Variants in CPEB1 observed in about 807,000 individuals in gnomAD.
CPEB1 encodes cytoplasmic polyadenylation element-binding protein 1.
Under a neutral mutation model 65.8 loss-of-function variants are expected in CPEB1, and 7 were observed. That is an observed-to-expected ratio of 0.11 (90% confidence interval 0.06 to 0.20). The LOEUF is 0.20. CPEB1 is among the 10% of genes least tolerant of loss of function. CPEB1 has a pLI of 1.00. For synonymous variants in CPEB1, 262 were observed against 260.0 expected (o/e 1.01, Z -0.08); for missense variants, 551 against 712.2 (o/e 0.77, Z 2.58).
chr15:82,569,873 G>C (rs1210473890), intron 4 of CPEB1, among the ~76,000 whole-genome samples: 1 of 152,226 alleles, frequency 6.6e-6, no homozygotes, highest in Non-Finnish European at 1.5e-5. Flanking sequence ...TACGGTGGAA[G>C]TGAGGACAGG....
In CPEB1 at chr15:82,574,722, C is replaced by CAAAA. The variant is rs534968367; in HGVS notation, c.272-3194_272-3191dup. 4.1e-4 allele frequency among the ~76,000 whole-genome samples: 22 copies of CAAAA among 53,506 alleles called. 3 individuals carry two copies. The highest frequency in any genetic ancestry group is 1.5e-3 in the East Asian group (2 of 1,332). The allele number at this position is 53,506 out of a possible 152,430, so 35.1% of individuals were successfully genotyped here. On this transcript the variant is annotated intron_variant, in intron 3 of 12. Coordinates refer to ENST00000684509, the MANE Select transcript of CPEB1 (RefSeq NM_001365242.1). ...TGGGCAACAGAGCTAGACTCGGTCT[C>CAAAA]AAAAAAAAAAAAAAAAAAAAAAAAA...
intron 1 of CPEB1, among the ~76,000 whole-genome samples, chr15:82,630,638 C>T (rs1023415064): frequency 6.6e-6 from 1 of 151,826 alleles, no homozygotes; most frequent in African/African-American, 2.4e-5. Flanking sequence ...AACTAAGACC[C>T]GATCCTGTAA....
intron 3 of CPEB1, among the ~76,000 whole-genome samples, chr15:82,622,837 T>C (rs2045426177): frequency 6.6e-6 from 1 of 152,196 alleles, no homozygotes; most frequent in Non-Finnish European, 1.5e-5. Flanking sequence ...CTTGCTTGGC[T>C]TAAATGACAA....
intron 3 of CPEB1, among the ~76,000 whole-genome samples, chr15:82,611,470 T>A (rs901453687): frequency 1.3e-5 from 2 of 152,010 alleles, no homozygotes; most frequent in African/African-American, 2.4e-5. Context: ...AAGATGGCAA[T>A]AGTAGGCCAG....
At chr15:82,621,018 GC>G (rs2045254907) in intron 3 of CPEB1, among the ~76,000 whole-genome samples, 2 of 152,182 alleles carry the variant, frequency 1.3e-5, no homozygotes, top group South Asian at 4.1e-4. Flanking sequence ...AACTGTTAAA[GC>G]CACACAGTAA....
chr15:82,641,887 G>A (rs2047145955), intron 1 of CPEB1, among the ~76,000 whole-genome samples: 1 of 152,086 alleles, frequency 6.6e-6, no homozygotes, highest in African/African-American at 2.4e-5. Flanking sequence ...ATATATTAGG[G>A]TGGCAAAATA....
chr15:82,648,160 C>A, upstream of CPEB1: 2 of 339,366 alleles, frequency 5.9e-6, no homozygotes, highest in Non-Finnish European at 1.1e-5. Flanking sequence ...GGACTGCCGC[C>A]GCTGCTAGCC....
chr15:82,597,388 C>T (rs765734968), intron 3 of CPEB1, among the ~76,000 whole-genome samples: 1 of 152,138 alleles, frequency 6.6e-6, no homozygotes, highest in Non-Finnish European at 1.5e-5. Context: ...AAGGACTGAG[C>T]CCTGAACAAA....
At chr15:82,574,654 G>C (rs565445353) in intron 3 of CPEB1, among the ~76,000 whole-genome samples, 1 of 145,372 alleles carries the variant, frequency 6.9e-6, no homozygotes, top group African/African-American at 2.5e-5. Flanking sequence ...CCAGGAAGGG[G>C]AGAGGTTGCA....
At chr15:82,578,003 G>C (rs1180675014) in intron 3 of CPEB1, among the ~76,000 whole-genome samples, 1 of 152,126 alleles carries the variant, frequency 6.6e-6, no homozygotes, top group Non-Finnish European at 1.5e-5. Flanking sequence ...AGCCGGGCAT[G>C]GTGGCAGGTG....
intron 10 of CPEB1, among the ~76,000 whole-genome samples, chr15:82,547,632 T>C (rs2035491266): frequency 6.6e-6 from 1 of 151,996 alleles, no homozygotes; most frequent in African/African-American, 2.4e-5. Context: ...CCCTTTACGA[T>C]ACTAGTGCTG....
intron 3 of CPEB1, among the ~76,000 whole-genome samples, chr15:82,618,244 C>A (rs192525757): frequency 3.3e-5 from 5 of 152,272 alleles, no homozygotes; most frequent in Admixed American, 3.3e-4. Context: ...CCTGCCAATT[C>A]TTGGTAAGGT....
In CPEB1 at chr15:82,647,291, C is replaced by G. The variant is rs1165763151; in HGVS notation, c.-252G>C. Reference sequence around the variant, plus strand: ...CGTGACCTGCCCAGGATTGGGAAGCCGCACGAGGGGCTTGAGCCCTCCACC... The same window carrying G: ...CGTGACCTGCCCAGGATTGGGAAGCGGCACGAGGGGCTTGAGCCCTCCACC... On this transcript the variant is annotated 5_prime_UTR_variant, in exon 1 of 13. Transcript: ENST00000684509. 6.6e-6 allele frequency: 1 copy of G among 152,248 alleles called. No homozygotes were observed. The highest frequency in any genetic ancestry group is 1.5e-5 in the Non-Finnish European group (1 of 68,106). 9.4% of individuals were successfully genotyped at this position (152,248 alleles called of 1,614,324 possible).
intron 3 of CPEB1, among the ~76,000 whole-genome samples, chr15:82,582,734 GTTCTT>G (rs2041402133): frequency 7.5e-6 from 1 of 133,498 alleles, no homozygotes; most frequent in African/African-American, 2.9e-5. Flanking sequence ...CATACTAGGA[GTTCTT>G]TTTTTTTTTT....
chr15:82,574,554 C>T (rs775688494), intron 3 of CPEB1, among the ~76,000 whole-genome samples: 11 of 151,602 alleles, frequency 7.3e-5, no homozygotes, highest in Non-Finnish European at 1.6e-4. Context: ...CCTGTCTCTA[C>T]TAAAAATACA....
At chr15:82,573,948 G>A (rs1027846820) in intron 3 of CPEB1, among the ~76,000 whole-genome samples, 4 of 151,958 alleles carry the variant, frequency 2.6e-5, no homozygotes, top group African/African-American at 4.8e-5. Context: ...CAGCCTGGGC[G>A]ACAAAGTAGT....
chr15:82,558,130 G>GAT (rs1223052630), intron 4 of CPEB1, 144 bp from the exon 5 acceptor site: 2 of 587,266 alleles, frequency 3.4e-6, no homozygotes, highest in South Asian at 2.6e-5. Flanking sequence ...ATAATGAACA[G>GAT]ATATATATCC....
intron 1 of CPEB1, among the ~76,000 whole-genome samples, chr15:82,643,329 C>CAAA (rs1320253843): frequency 7.2e-5 from 11 of 152,100 alleles, no homozygotes; most frequent in African/African-American, 2.7e-4. Flanking sequence ...GCTTTTTACT[C>CAAA]CTTTAAATCC....
At chr15:82,630,133 G>C in intron 1 of CPEB1, 2 of 984,926 alleles carry the variant, frequency 2.0e-6, no homozygotes, top group Non-Finnish European at 2.4e-6. Context: ...AGGAGGTCTC[G>C]CTGTGTTGCC....
Sources: gnomAD v4.1 joint callset for allele counts (sites outside exome capture counted in the v4.1 genomes callset) on GRCh38, gnomAD v4.1.1 for gene constraint, MANE v1.5 for transcripts, NCBI Gene and HGNC (gene_info 2026-07-23, HGNC 2026-07-21) for gene names.